Variants in GALNT12 observed in about 807,000 individuals in gnomAD.
The protein encoded by GALNT12 is polypeptide N-acetylgalactosaminyltransferase 12, also known as UDP-GalNAc:polypeptide N-acetylgalactosaminyltransferase 12.
A neutral mutation model predicts 55.5 loss-of-function variants in GALNT12; 45 were observed. The observed-to-expected ratio is 0.81, with a 90% CI of 0.64 to 1.04. GALNT12 has a LOEUF of 1.04. GALNT12 is among the 50% of genes least tolerant of loss of function. The probability of loss-of-function intolerance (pLI) is 0.00; values close to 1 mark genes in which losing one functional copy is unlikely to be tolerated. For missense variants in GALNT12, 709 were observed against 754.8 expected, an observed-to-expected ratio of 0.94 and a Z score of 0.71; for synonymous variants, 304 against 312.2, an observed-to-expected ratio of 0.97 and a Z score of 0.28.
intron 2 of GALNT12, among the ~76,000 whole-genome samples, chr9:98,826,334 AATTTCT>A (rs1835855875): frequency 6.6e-6 from 1 of 152,206 alleles, no homozygotes; most frequent in Non-Finnish European, 1.5e-5. Flanking sequence ...CTCCTGAGAA[AATTTCT>A]ATTAACATAA....
At chr9:98,829,960 A>G (rs1431965384) in intron 3 of GALNT12, among the ~76,000 whole-genome samples, 3 of 152,208 alleles carry the variant, frequency 2.0e-5, no homozygotes, top group Admixed American at 2.0e-4. Flanking sequence ...TTTTCGATAC[A>G]CTGACTTCCT....
At chr9:98,826,667 G>T in intron 2 of GALNT12, 85 bp from the exon 3 acceptor site, 1 of 1,309,796 alleles carries the variant, frequency 7.6e-7, no homozygotes. Context: ...GTTTGGGACA[G>T]GGAGGCCCAG....
chr9:98,823,327 C>G lies in GALNT12; in HGVS notation c.443C>G (p.Ala148Gly), dbSNP rs1175927536. 3 of 1,613,786 alleles carry G rather than the reference C, an allele frequency of 1.9e-6. No homozygotes were observed. Among genetic ancestry groups the G allele is most frequent in the East Asian group, 4.5e-5 (2 of 44,874 alleles). Residue 148 changes from alanine (A) to glycine (G), a missense_variant, in exon 2 of 10, where the codon GCC becomes GGC. By Grantham distance (60) the Ala-to-Gly change is moderately conservative. Transcript: ENST00000375011. Reference sequence around the variant, plus strand: ...GTTATCATAGCATTTTATAATGAAGCCTGGTCAACTCTCCTTCGGACAGTT... The same window carrying G: ...GTTATCATAGCATTTTATAATGAAGGCTGGTCAACTCTCCTTCGGACAGTT... ...TSVIIAFYNE[A>G]WSTLLRTVYS...
intron 9 of GALNT12, among the ~76,000 whole-genome samples, chr9:98,846,974 T>A (rs1316503944): frequency 6.6e-6 from 1 of 152,138 alleles, no homozygotes; most frequent in Non-Finnish European, 1.5e-5. Flanking sequence ...TTGTTGCTTG[T>A]GGTATTATAA....
chr9:98,822,896 GTC>G (rs1835776015), intron 1 of GALNT12, among the ~76,000 whole-genome samples: 2 of 152,318 alleles, frequency 1.3e-5, no homozygotes, highest in Admixed American at 6.5e-5. Flanking sequence ...AGAGGGAACA[GTC>G]TGAGCAAAGG....
Position 98,807,701 on chromosome 9 carries a change from G to GT in GALNT12, c.4dup (p.Trp2LeufsTer103). On this transcript the variant is annotated frameshift_variant, in exon 1 of 10. Transcript: ENST00000375011. LOFTEE classifies it high-confidence loss of function. ...CGCTGGCTGCAGTTGGCGGGCGCAT[G>GT]TGGGGGCGCACGGCGCGGCGGCGCT... 2.6e-6 allele frequency: 3 copies of GT among 1,150,776 alleles called. No homozygotes were observed. Among genetic ancestry groups the GT allele is most frequent in the Middle Eastern group, 3.7e-4 (1 of 2,712 alleles). The allele number at this position is 1,150,776 out of a possible 1,614,324, so 71.3% of individuals were successfully genotyped here.
intron 5 of GALNT12, among the ~76,000 whole-genome samples, chr9:98,836,622 T>C (rs1836153592): frequency 2.0e-5 from 3 of 152,198 alleles, no homozygotes; most frequent in Admixed American, 2.0e-4. Context: ...CTTTCCTATC[T>C]TCTGTGGCTA....
chr9:98,845,907 GTCCAGCGA>G, intron 8 of GALNT12, 62 bp from the exon 9 acceptor site: 1 of 1,541,516 alleles, frequency 6.5e-7, no homozygotes, highest in Non-Finnish European at 8.9e-7. Flanking sequence ...CCAGGTTCTT[GTCCAGCGA>G]TCTTTCCTCT....
At chr9:98,831,618 G>A (rs1343246283) in intron 3 of GALNT12, 154 bp from the exon 4 acceptor site, 11 of 369,132 alleles carry the variant, frequency 3.0e-5, no homozygotes, top group South Asian at 2.2e-4. Context: ...GCTCTGACAC[G>A]GCTGCAGACA....
rs1430513495 is a variant in GALNT12 at position 98,837,142 on chromosome 9, C to T, written c.1206C>T (p.Ala402=). Residue 402 remains alanine (A), a synonymous_variant, in exon 6 of 10, where the codon GCC becomes GCT. Coordinates refer to ENST00000375011, the MANE Select transcript of GALNT12 (RefSeq NM_024642.5). ...TCTACTACCATCGCAACCCCCGTGC[C>T]CGCTTGGTGAGTTCCTCGGCCCACC... The part of the protein sequence containing the change: ...KELYYHRNPR[A]RLEPFGDVTE... The T allele has an allele frequency of 6.2e-7, 1 of 1,614,150 alleles. No homozygotes were observed. The highest frequency in any genetic ancestry group is 8.5e-7 in the Non-Finnish European group (1 of 1,180,014).
chr9:98,825,186 C>A (rs1444812135), intron 2 of GALNT12, among the ~76,000 whole-genome samples: 2 of 152,022 alleles, frequency 1.3e-5, no homozygotes, highest in Admixed American at 1.3e-4. Flanking sequence ...TAAAAAGTTG[C>A]AAAATGAAAA....
Position 98,837,113 on chromosome 9 carries a change from G to C in GALNT12, c.1177G>C (p.Glu393Gln), listed in dbSNP as rs754642218. Residue 393 changes from glutamate to glutamine, a missense_variant, in exon 6 of 10, where the codon GAG (glutamate) becomes CAG (glutamine). Transcript: ENST00000375011. ...AAEVWMDEFK[E>Q]LYYHRNPRAR... ...TGAAGTATGGATGGATGAATTTAAAGAGCTCTACTACCATCGCAACCCCCG... is the reference window on the plus strand; with the variant it reads ...TGAAGTATGGATGGATGAATTTAAACAGCTCTACTACCATCGCAACCCCCG... The C allele has an allele frequency of 6.2e-7, 1 of 1,614,144 alleles. No individual in the cohort carries two copies. The highest frequency in any genetic ancestry group is 8.5e-7 in the Non-Finnish European group (1 of 1,180,020).
chr9:98,834,258 A>G (rs570158388), intron 4 of GALNT12, among the ~76,000 whole-genome samples: 3 of 151,918 alleles, frequency 2.0e-5, no homozygotes, highest in Non-Finnish European at 4.4e-5. Flanking sequence ...AGCTGGGATT[A>G]TAGCTGTGGG....
intron 2 of GALNT12, among the ~76,000 whole-genome samples, chr9:98,826,177 T>C (rs891985647): frequency 3.3e-5 from 5 of 152,090 alleles, no homozygotes; most frequent in Non-Finnish European, 7.4e-5. Flanking sequence ...ATCTGTGAAA[T>C]AGGGATAATA....
Position 98,849,149 on chromosome 9 carries a change from A to G in GALNT12, c.*57A>G, listed in dbSNP as rs1836492780. 15 of 1,593,012 alleles carry G rather than the reference A, an allele frequency of 9.4e-6. No individual in the cohort carries two copies. The highest frequency in any genetic ancestry group is 1.3e-5 in the Non-Finnish European group (15 of 1,161,868). ...GACTGTGGAGCCAGGACTCTGCCCAACAAAGACTTAGCTAAGCAGTGACCA... is the reference window on the plus strand; with the variant it reads ...GACTGTGGAGCCAGGACTCTGCCCAGCAAAGACTTAGCTAAGCAGTGACCA... On this transcript the variant is annotated 3_prime_UTR_variant, in exon 10 of 10. Coordinates refer to ENST00000375011, the MANE Select transcript of GALNT12 (RefSeq NM_024642.5).
chr9:98,832,072 C>A (rs937942227), intron 4 of GALNT12, 115 bp downstream of exon 4: 2 of 848,394 alleles, frequency 2.4e-6, no homozygotes, highest in Non-Finnish European at 3.9e-6. Flanking sequence ...ACTACCTCCC[C>A]TCTTCCCACT....
chr9:98,807,792 G>T lies in GALNT12; in HGVS notation c.94G>T (p.Gly32Trp), dbSNP rs956810048. Reference sequence around the variant, plus strand: ...GCTCCTGGCGCTACTGGCGTTGGCCGGGCTGGGCTCGGTGCTGCGGGCGCA... The same window carrying T: ...GCTCCTGGCGCTACTGGCGTTGGCCTGGCTGGGCTCGGTGCTGCGGGCGCA... ...LVLLALLALA[G>W]LGSVLRAQRG... is the part of the protein sequence containing the mutation. Residue 32 changes from glycine (G) to tryptophan (W), a missense_variant, in exon 1 of 10, where the codon GGG (glycine) becomes TGG (tryptophan). Transcript: ENST00000375011. 24 of 1,121,828 alleles carry T rather than the reference G, an allele frequency of 2.1e-5. No homozygotes were observed. In the African/African-American group the frequency reaches 4.0e-4, roughly 19 times the overall value. The allele number at this position is 1,121,828 out of a possible 1,614,324, so 69.5% of individuals were successfully genotyped here.
At chr9:98,808,347 G>T (rs1262665319) in intron 1 of GALNT12, among the ~76,000 whole-genome samples, 2 of 152,166 alleles carry the variant, frequency 1.3e-5, no homozygotes, top group Non-Finnish European at 2.9e-5. Flanking sequence ...GAAAAGGTGA[G>T]GGTCAGGGCT....
chr9:98,816,216 T>A (rs1232448403), intron 1 of GALNT12, among the ~76,000 whole-genome samples: 1 of 152,148 alleles, frequency 6.6e-6, no homozygotes, highest in African/African-American at 2.4e-5. Context: ...GAAATGTTTA[T>A]GTATGTTGAT....
Sources: gnomAD v4.1 joint callset for allele counts (sites outside exome capture counted in the v4.1 genomes callset) on GRCh38, gnomAD v4.1.1 for gene constraint, MANE v1.5 for transcripts, NCBI Gene and HGNC (gene_info 2026-07-23, HGNC 2026-07-21) for gene names.